The following BCHE variants were observed in gnomAD, a reference collection of about 807,000 sequenced individuals.
BCHE encodes butyrylcholinesterase.
In BCHE, 48 loss-of-function variants were observed where a neutral mutation model predicts 51.3. The ratio of observed to expected loss-of-function variants is 0.94; its 90% CI spans 0.74 to 1.19. BCHE has a LOEUF of 1.19. BCHE is among the 50% of genes most tolerant of loss of function. The probability of loss-of-function intolerance (pLI) is 0.00; values close to 1 mark genes in which losing one functional copy is unlikely to be tolerated. For missense variants in BCHE, 847 were observed against 708.2 expected (o/e 1.20, Z -2.23); for synonymous variants, 251 against 238.0 (o/e 1.05, Z -0.50).
At chr3:165,785,847 A>T (rs9883728) in intron 3 of BCHE, among the ~76,000 whole-genome samples, 15,784 of 151,678 alleles carry the variant, frequency 0.1, 1,502 homozygotes, top group African/African-American at 0.26. Context: ...AGATTATCTG[A>T]ATAACAAGTA....
At chr3:165,784,328 G>A (rs1712853670) in intron 3 of BCHE, among the ~76,000 whole-genome samples, 2 of 151,860 alleles carry the variant, frequency 1.3e-5, no homozygotes, top group African/African-American at 4.8e-5. Context: ...TTGTTCAAAT[G>A]TAACATTTTT....
chr3:165,822,625 A>C (rs1399863223), intron 2 of BCHE, among the ~76,000 whole-genome samples: 3 of 152,100 alleles, frequency 2.0e-5, no homozygotes, highest in Admixed American at 2.0e-4. Context: ...GTGTAACTGC[A>C]CTGTGAATGG....
At chr3:165,820,203 G>GC (rs1251958895) in intron 2 of BCHE, among the ~76,000 whole-genome samples, 4 of 23,824 alleles carry the variant, frequency 1.7e-4, no homozygotes, top group Non-Finnish European at 2.4e-4. Context: ...TTGCCCCTTT[G>GC]GGGGACATCG....
At chr3:165,774,560 G>A (rs758410329) in intron 3 of BCHE, among the ~76,000 whole-genome samples, 3 of 152,032 alleles carry the variant, frequency 2.0e-5, no homozygotes, top group South Asian at 2.1e-4. Context: ...GGCTGGTCTC[G>A]ACCTCCTGAC....
At chr3:165,802,628 GTTTT>G (rs57147802) in intron 2 of BCHE, among the ~76,000 whole-genome samples, 1 of 137,212 alleles carries the variant, frequency 7.3e-6, no homozygotes, top group Admixed American at 7.3e-5. Context: ...AGGAAAATTT[GTTTT>G]TTTTTTTTTG....
chr3:165,816,840 T>C (rs1191027581), intron 2 of BCHE, among the ~76,000 whole-genome samples: 18 of 152,010 alleles, frequency 1.2e-4, no homozygotes, highest in Non-Finnish European at 2.6e-4. Context: ...ATGTGTTTTA[T>C]CTAAAACCTC....
At chr3:165,790,378 G>A (rs563742458) in intron 2 of BCHE, among the ~76,000 whole-genome samples, 14 of 152,304 alleles carry the variant, frequency 9.2e-5, no homozygotes, top group South Asian at 2.1e-4. Flanking sequence ...TCTGAGGACA[G>A]AGAAGTTTTG....
intron 2 of BCHE, among the ~76,000 whole-genome samples, chr3:165,821,529 G>A (rs530076778): frequency 6.6e-6 from 1 of 151,434 alleles, no homozygotes; most frequent in South Asian, 2.1e-4. Flanking sequence ...ATTTTTTACT[G>A]TGTCATATAA....
At chr3:165,817,445 A>C (rs975804027) in intron 2 of BCHE, among the ~76,000 whole-genome samples, 5 of 152,022 alleles carry the variant, frequency 3.3e-5, no homozygotes, top group Non-Finnish European at 7.4e-5. Context: ...AACTCATCCA[A>C]GCTTCAAATC....
At chr3:165,833,505 T>C (rs991807909) in intron 1 of BCHE, among the ~76,000 whole-genome samples, 2 of 152,114 alleles carry the variant, frequency 1.3e-5, no homozygotes, top group African/African-American at 4.8e-5. Flanking sequence ...AGAGAAAAGG[T>C]ACAGTGAAAA....
chr3:165,802,736 T>C (rs1479950875), intron 2 of BCHE, among the ~76,000 whole-genome samples: 1 of 152,206 alleles, frequency 6.6e-6, no homozygotes, highest in African/African-American at 2.4e-5. Context: ...TGTTTTGTTT[T>C]GTTTTTGTTT....
At chr3:165,824,173 T>A (rs1257988340) in intron 2 of BCHE, among the ~76,000 whole-genome samples, 1 of 151,596 alleles carries the variant, frequency 6.6e-6, no homozygotes, top group African/African-American at 2.4e-5. Flanking sequence ...ATCAATAAAT[T>A]ATATTATTAT....
intron 2 of BCHE, among the ~76,000 whole-genome samples, chr3:165,792,270 A>G (rs1247159676): frequency 6.6e-6 from 1 of 152,192 alleles, no homozygotes; most frequent in East Asian, 1.9e-4. Context: ...CTTCAAATTC[A>G]TTTAAAGGGC....
intron 3 of BCHE, among the ~76,000 whole-genome samples, chr3:165,776,779 G>A (rs2668209): frequency 0.65 from 97,692 of 151,232 alleles, 33,154 homozygotes; most frequent in East Asian, 0.8. Flanking sequence ...AAAATGAATC[G>A]ATTGACCTTT....
chr3:165,822,785 A>G (rs1714578334), intron 2 of BCHE, among the ~76,000 whole-genome samples: 1 of 152,128 alleles, frequency 6.6e-6, no homozygotes, highest in Admixed American at 6.6e-5. Context: ...CTTACTAATT[A>G]CATTTGGCAT....
At chr3:165,819,074 CT>C (rs5854159) in intron 2 of BCHE, among the ~76,000 whole-genome samples, 13 of 136,584 alleles carry the variant, frequency 9.5e-5, no homozygotes, top group South Asian at 2.3e-4. Context: ...TTTTTAACTT[CT>C]TTTTTTTTTT....
At chr3:165,809,201 C>T (rs925050832) in intron 2 of BCHE, among the ~76,000 whole-genome samples, 28 of 152,022 alleles carry the variant, frequency 1.8e-4, no homozygotes, top group African/African-American at 5.8e-4. Context: ...GTTTCTATAT[C>T]GCAAAAATGT....
intron 3 of BCHE, among the ~76,000 whole-genome samples, chr3:165,784,128 TA>T (rs952268295): frequency 2.0e-5 from 3 of 151,790 alleles, no homozygotes; most frequent in Non-Finnish European, 2.9e-5. Flanking sequence ...AAAGTTGCTT[TA>T]AAAAAAATTC....
At position 165,807,445 on chromosome 3, in the gene BCHE, C is replaced by T. The variant is rs373068022; in HGVS notation, c.1518-21134G>A. Among the ~76,000 whole-genome samples, 5 of 151,724 alleles carry T rather than the reference C, an allele frequency of 3.3e-5. No homozygotes were observed. In the South Asian group the frequency reaches 6.3e-4, roughly 19 times the overall value. On this transcript the variant is annotated intron_variant, in intron 2 of 3. Transcript: ENST00000264381. Reference sequence around the variant, plus strand: ...ATAGTTGTTTTCAACAACCAGTTACCATCAGCGGCATAGTACACTCAGATA... The same window carrying T: ...ATAGTTGTTTTCAACAACCAGTTACTATCAGCGGCATAGTACACTCAGATA...
Sources: gnomAD v4.1 joint callset for allele counts (sites outside exome capture counted in the v4.1 genomes callset) on GRCh38, gnomAD v4.1.1 for gene constraint, MANE v1.5 for transcripts, NCBI Gene and HGNC (gene_info 2026-07-23, HGNC 2026-07-21) for gene names.